The following OSBP2 variants were observed in gnomAD, a reference collection of about 807,000 sequenced individuals.
OSBP2 encodes oxysterol binding protein 2.
OSBP2 carries 66 observed loss-of-function variants against 96.0 expected under a neutral mutation model. The observed-to-expected ratio is 0.69, with a 90% CI of 0.56 to 0.84. OSBP2 has a LOEUF of 0.84. OSBP2 is among the 40% of genes least tolerant of loss of function. OSBP2 has a pLI of 0.00. For synonymous variants in OSBP2, 525 were observed against 520.9 expected (o/e 1.01, Z -0.11); for missense variants, 1,038 against 1,222.7 (o/e 0.85, Z 2.25).
chr22:30,725,059 C>T (rs2089619898), intron 1 of OSBP2, among the ~76,000 whole-genome samples: 1 of 151,766 alleles, frequency 6.6e-6, no homozygotes, highest in South Asian at 2.1e-4. Context: ...GCCTGTAGTC[C>T]CAGCTACTCG....
At chr22:30,805,710 T>C (rs1407289545) in intron 2 of OSBP2, among the ~76,000 whole-genome samples, 1 of 152,208 alleles carries the variant, frequency 6.6e-6, no homozygotes, top group Non-Finnish European at 1.5e-5. Flanking sequence ...ACTCAATAGC[T>C]TGAGGTGGCC....
intron 1 of OSBP2, among the ~76,000 whole-genome samples, chr22:30,696,466 G>T (rs1183658936): frequency 6.6e-6 from 1 of 152,144 alleles, no homozygotes; most frequent in African/African-American, 2.4e-5. Flanking sequence ...AAGGGCCTGA[G>T]ATTCGGATTT....
chr22:30,779,810 G>C (rs767112270), intron 2 of OSBP2, among the ~76,000 whole-genome samples: 10 of 152,168 alleles, frequency 6.6e-5, no homozygotes, highest in Non-Finnish European at 1.3e-4. Context: ...GAGGTGTGGG[G>C]ACACGGAGAA....
chr22:30,696,159 C>T (rs1163756632), intron 1 of OSBP2, among the ~76,000 whole-genome samples: 1 of 152,144 alleles, frequency 6.6e-6, no homozygotes, highest in Non-Finnish European at 1.5e-5. Context: ...TTGCTGCCCT[C>T]CTTTCTTATT....
intron 1 of OSBP2, among the ~76,000 whole-genome samples, chr22:30,718,568 A>G (rs1285067457): frequency 6.6e-6 from 1 of 152,242 alleles, no homozygotes; most frequent in African/African-American, 2.4e-5. Flanking sequence ...ATCTGAGTCC[A>G]GGAGGCCAGG....
chr22:30,769,685 CAA>C (rs2090322994), intron 2 of OSBP2, among the ~76,000 whole-genome samples: 1 of 152,150 alleles, frequency 6.6e-6, no homozygotes, highest in Middle Eastern at 3.4e-3. Context: ...TTAAATAATA[CAA>C]AACAGTCTAG....
intron 2 of OSBP2, among the ~76,000 whole-genome samples, chr22:30,860,943 C>T (rs1052031090): frequency 3.3e-5 from 5 of 152,152 alleles, no homozygotes; most frequent in East Asian, 1.9e-4. Flanking sequence ...CCAGGACAGC[C>T]GAGCGAAGTA....
chr22:30,693,958 C>G (rs1412965927), upstream of OSBP2: 2 of 983,482 alleles, frequency 2.0e-6, no homozygotes, highest in Non-Finnish European at 3.0e-6. Context: ...GAGTGAGACT[C>G]AGTCTCAAAA....
intron 1 of OSBP2, among the ~76,000 whole-genome samples, chr22:30,730,782 A>C (rs1337426076): frequency 0.022 from 688 of 30,810 alleles, 35 homozygotes; most frequent in South Asian, 0.038. Flanking sequence ...CTCTATATAT[A>C]TATATATATA....
intron 2 of OSBP2, among the ~76,000 whole-genome samples, chr22:30,784,708 A>T (rs1403380361): frequency 6.6e-6 from 1 of 151,890 alleles, no homozygotes; most frequent in Non-Finnish European, 1.5e-5. Flanking sequence ...CTGACATTTT[A>T]TCAATTCCTG....
intron 2 of OSBP2, among the ~76,000 whole-genome samples, chr22:30,771,183 C>T (rs2090342993): frequency 6.6e-6 from 1 of 152,202 alleles, no homozygotes; most frequent in Non-Finnish European, 1.5e-5. Context: ...AGGCAAAAGT[C>T]GTTTGGGCTC....
intron 1 of OSBP2, among the ~76,000 whole-genome samples, chr22:30,732,059 T>C (rs1403129717): frequency 6.6e-6 from 1 of 152,172 alleles, no homozygotes; most frequent in Non-Finnish European, 1.5e-5. Context: ...ATCCCAGCAC[T>C]TTGGGAGGCC....
chr22:30,781,512 A>G (rs2090519029), intron 2 of OSBP2, among the ~76,000 whole-genome samples: 1 of 152,154 alleles, frequency 6.6e-6, no homozygotes, highest in Non-Finnish European at 1.5e-5. Flanking sequence ...GAGACGCAGG[A>G]ACACCAGCTT....
intron 2 of OSBP2, among the ~76,000 whole-genome samples, chr22:30,839,852 T>A (rs977276971): frequency 1.3e-5 from 2 of 151,992 alleles, no homozygotes; most frequent in Admixed American, 1.3e-4. Context: ...TTTAATTAGA[T>A]CCCATTTGTC....
chr22:30,808,879 G>A (rs565833431), intron 2 of OSBP2, among the ~76,000 whole-genome samples: 23 of 152,154 alleles, frequency 1.5e-4, no homozygotes, highest in East Asian at 3.9e-4. Context: ...ACTTGAACCC[G>A]GAAGGTGGAG....
At chr22:30,855,208 T>C (rs900126670) in intron 2 of OSBP2, among the ~76,000 whole-genome samples, 7 of 152,200 alleles carry the variant, frequency 4.6e-5, no homozygotes, top group Non-Finnish European at 1.0e-4. Flanking sequence ...TTCCCCTTCA[T>C]TTTGGAAGGG....
chr22:30,809,544 T>G (rs1311197952), intron 2 of OSBP2, among the ~76,000 whole-genome samples: 1 of 152,076 alleles, frequency 6.6e-6, no homozygotes, highest in African/African-American at 2.4e-5. Flanking sequence ...AGTGAAGGCA[T>G]GAGAGCAGGG....
At chr22:30,837,475 T>C (rs868459989) in intron 2 of OSBP2, among the ~76,000 whole-genome samples, 1 of 152,192 alleles carries the variant, frequency 6.6e-6, no homozygotes, top group Non-Finnish European at 1.5e-5. Flanking sequence ...CACTGGTTTA[T>C]AGGTAGCTTG....
intron 1 of OSBP2, among the ~76,000 whole-genome samples, chr22:30,699,913 C>T (rs866021800): frequency 2.6e-5 from 4 of 151,738 alleles, no homozygotes; most frequent in Middle Eastern, 3.4e-3. Flanking sequence ...CAGATTTTCA[C>T]TTCTTTCTGA....
Sources: gnomAD v4.1 joint callset for allele counts (sites outside exome capture counted in the v4.1 genomes callset) on GRCh38, gnomAD v4.1.1 for gene constraint, MANE v1.5 for transcripts, NCBI Gene and HGNC (gene_info 2026-07-23, HGNC 2026-07-21) for gene names.